The following PECR variants were observed in gnomAD, a reference collection of about 807,000 sequenced individuals.
The protein encoded by PECR is peroxisomal trans-2-enoyl-CoA reductase.
PECR carries 30 observed loss-of-function variants against 35.3 expected under a neutral mutation model. That is an observed-to-expected ratio of 0.85 (90% CI 0.64 to 1.15). The LOEUF (loss-of-function observed/expected upper bound fraction) is 1.15, where lower values mean the gene tolerates loss of function less well. Among genes scored for constraint, PECR ranks in the 50% most tolerant of loss-of-function variants. The probability of loss-of-function intolerance (pLI) is 0.00; values close to 1 mark genes in which losing one functional copy is unlikely to be tolerated. For synonymous variants in PECR, 148 were observed against 138.9 expected, an observed-to-expected ratio of 1.07 and a Z score of -0.46; for missense variants, 392 against 370.8, an observed-to-expected ratio of 1.06 and a Z score of -0.47.
chr2:216,048,611 G>A (rs948440981), intron 6 of PECR, among the ~76,000 whole-genome samples: 1 of 151,880 alleles, frequency 6.6e-6, no homozygotes, highest in African/African-American at 2.4e-5. Flanking sequence ...TCGGGAGGCT[G>A]GGGCAGGAGA....
intron 5 of PECR, among the ~76,000 whole-genome samples, chr2:216,049,698 G>A (rs1249765190): frequency 1.3e-5 from 2 of 152,148 alleles, no homozygotes; most frequent in Non-Finnish European, 2.9e-5. Flanking sequence ...TGGGACAGGG[G>A]ACTCTGTCTA....
At chr2:216,065,129 A>C (rs1375618654) in intron 3 of PECR, 183 bp downstream of exon 3, 2 of 634,970 alleles carry the variant, frequency 3.1e-6, no homozygotes, top group Non-Finnish European at 5.6e-6. Flanking sequence ...AGATTGAAGG[A>C]TATCCACATT....
chr2:216,071,897 T>G (rs890150063), intron 1 of PECR, among the ~76,000 whole-genome samples: 1 of 152,222 alleles, frequency 6.6e-6, no homozygotes, highest in Admixed American at 6.5e-5. Flanking sequence ...CAAAAATTTT[T>G]GAAGGTCATG....
intron 1 of PECR, among the ~76,000 whole-genome samples, chr2:216,069,009 A>G (rs1353342708): frequency 2.6e-5 from 4 of 152,196 alleles, no homozygotes; most frequent in African/African-American, 9.7e-5. Flanking sequence ...CTTGAGAATA[A>G]TAGCACAATG....
intron 3 of PECR, among the ~76,000 whole-genome samples, chr2:216,059,399 G>T (rs945710228): frequency 6.6e-6 from 1 of 152,160 alleles, no homozygotes; most frequent in Non-Finnish European, 1.5e-5. Flanking sequence ...TGTTTGTGAG[G>T]TTCATCCACG....
chr2:216,054,416 A>T (rs371871305), intron 4 of PECR, among the ~76,000 whole-genome samples: 1 of 140,428 alleles, frequency 7.1e-6, no homozygotes, highest in Non-Finnish European at 1.5e-5. Context: ...TCTCACTCCA[A>T]CCTCTACCTC....
At chr2:216,063,123 A>C (rs530976163) in intron 3 of PECR, among the ~76,000 whole-genome samples, 25 of 152,328 alleles carry the variant, frequency 1.6e-4, no homozygotes, top group Admixed American at 5.9e-4. Flanking sequence ...AAATGTGAAC[A>C]TGTTGGATAA....
At chr2:216,081,532 GC>G in intron 1 of PECR, 85 bp downstream of exon 1, 1 of 1,548,752 alleles carries the variant, frequency 6.5e-7, no homozygotes, top group Non-Finnish European at 8.9e-7. Flanking sequence ...CACTCCCTCA[GC>G]CCCGCCGAGA....
rs1422201156 is a variant in PECR at position 216,051,666 on chromosome 2, T to G, written c.507-121A>C. 3 of 734,420 alleles carry G rather than the reference T, an allele frequency of 4.1e-6. No homozygotes were observed. In the African/African-American group the frequency reaches 5.2e-5, roughly 13 times the overall value. 45.5% of individuals were successfully genotyped at this position (734,420 alleles called of 1,614,324 possible). On this transcript the variant is annotated intron_variant, in intron 4 of 7. Transcript: ENST00000265322. ...CCACAAGAGACTTCTTGCTATGGAG[T>G]CTGTCTTGTTGAGCTTCTGTCTAAA...
chr2:216,049,213 C>T (rs1176850378), intron 6 of PECR, 50 bp downstream of exon 6: 1 of 922,612 alleles, frequency 1.1e-6, no homozygotes, highest in East Asian at 2.4e-5. Context: ...ATTACAAATT[C>T]CAAAGTATAA....
chr2:216,051,681 T>C, intron 4 of PECR, 136 bp from the exon 5 acceptor site: 1 of 713,682 alleles, frequency 1.4e-6, no homozygotes, highest in Non-Finnish European at 2.6e-6. Context: ...CTTGTTGAGC[T>C]TCTGTCTAAA....
At chr2:216,079,754 G>A (rs1262415611) in intron 1 of PECR, among the ~76,000 whole-genome samples, 8 of 149,790 alleles carry the variant, frequency 5.3e-5, no homozygotes, top group African/African-American at 1.7e-4. Flanking sequence ...GGCCGAGGCG[G>A]GCGGATCACC....
chr2:216,059,468 G>T (rs189180934), intron 3 of PECR, among the ~76,000 whole-genome samples: 85 of 152,298 alleles, frequency 5.6e-4, no homozygotes, highest in Non-Finnish European at 1.1e-3. Context: ...ATGTGGATAT[G>T]CCATGTTTTA....
intron 4 of PECR, among the ~76,000 whole-genome samples, chr2:216,056,886 T>C (rs969611258): frequency 6.6e-6 from 1 of 152,048 alleles, no homozygotes; most frequent in African/African-American, 2.4e-5. Context: ...GTCCAAAGTG[T>C]GAAGGCCACT....
intron 1 of PECR, among the ~76,000 whole-genome samples, chr2:216,067,548 A>G (rs564586705): frequency 6.6e-6 from 1 of 151,364 alleles, no homozygotes; most frequent in African/African-American, 2.4e-5. Context: ...GAATATATAC[A>G]TATTTTTTCT....
chr2:216,032,495 A>T (rs1694724952), intron 7 of PECR, among the ~76,000 whole-genome samples: 1 of 152,214 alleles, frequency 6.6e-6, no homozygotes, highest in Non-Finnish European at 1.5e-5. Context: ...GGTAATGCTA[A>T]CCCAGCATGG....
chr2:216,033,981 GA>G (rs2105937576), downstream of PECR: 1 of 152,314 alleles, frequency 6.6e-6, no homozygotes, highest in East Asian at 1.9e-4. Context: ...ATATGGTTTA[GA>G]ATCTTCCCGC....
chr2:216,036,967 T>C (rs995711437), downstream of PECR, among the ~76,000 whole-genome samples: 2 of 152,250 alleles, frequency 1.3e-5, no homozygotes, highest in East Asian at 3.8e-4. Flanking sequence ...GTGGACATCA[T>C]GGCCTTATCC....
chr2:216,038,155 T>C (rs1175815516), downstream of PECR, among the ~76,000 whole-genome samples: 1 of 152,082 alleles, frequency 6.6e-6, no homozygotes, highest in Non-Finnish European at 1.5e-5. Context: ...CTACTTCACC[T>C]CAGATACTTG....
Sources: allele counts gnomAD v4.1 joint callset (sites outside exome capture counted in the v4.1 genomes callset), GRCh38; gene constraint gnomAD v4.1.1; transcripts MANE v1.5; gene names NCBI Gene and HGNC (gene_info 2026-07-23, HGNC 2026-07-21).